Variants in ANGPT1 observed in about 807,000 individuals in gnomAD.
The protein encoded by ANGPT1 is angiopoietin-1.
ANGPT1 carries 17 observed loss-of-function variants against 62.2 expected under a neutral mutation model. That is an observed-to-expected ratio of 0.27 (90% CI 0.19 to 0.41). ANGPT1 has a LOEUF of 0.41. Among genes scored for constraint, ANGPT1 ranks in the 10% least tolerant of loss-of-function variants. The probability of loss-of-function intolerance (pLI) is 1.00; values close to 1 mark genes in which losing one functional copy is unlikely to be tolerated. For synonymous variants in ANGPT1, 199 were observed against 198.9 expected (o/e 1.00, Z 0.00); for missense variants, 478 against 594.9 (o/e 0.80, Z 2.04).
intron 1 of ANGPT1, among the ~76,000 whole-genome samples, chr8:107,487,171 G>A (rs930164246): frequency 5.9e-5 from 9 of 151,974 alleles, no homozygotes; most frequent in East Asian, 3.9e-4. Context: ...CTTCCCTGTC[G>A]TCCATCCTCT....
chr8:107,387,810 G>T (rs1381402320), intron 1 of ANGPT1, among the ~76,000 whole-genome samples: 1 of 151,732 alleles, frequency 6.6e-6, no homozygotes, highest in African/African-American at 2.4e-5. Context: ...ATTAAATTTT[G>T]TATTATAGGA....
At chr8:107,354,038 T>C (rs968684259) in intron 1 of ANGPT1, among the ~76,000 whole-genome samples, 1 of 152,240 alleles carries the variant, frequency 6.6e-6, no homozygotes. Context: ...TCTCCTGCCA[T>C]TGCTTTTTTT....
chr8:107,267,822 A>G (rs1813649600), intron 7 of ANGPT1, among the ~76,000 whole-genome samples: 1 of 151,660 alleles, frequency 6.6e-6, no homozygotes, highest in Non-Finnish European at 1.5e-5. Context: ...TATTTTCTGC[A>G]CGTACACATA....
intron 1 of ANGPT1, among the ~76,000 whole-genome samples, chr8:107,406,936 C>T (rs1817161519): frequency 6.7e-6 from 1 of 148,358 alleles, no homozygotes; most frequent in Non-Finnish European, 1.5e-5. Context: ...TTAGGAAATT[C>T]CTTAAGTCAG....
At chr8:107,376,459 A>AG (rs1816532405) in intron 1 of ANGPT1, among the ~76,000 whole-genome samples, 1 of 152,204 alleles carries the variant, frequency 6.6e-6, no homozygotes, top group Non-Finnish European at 1.5e-5. Context: ...TTCAGGGAGG[A>AG]GGAAGAAAGG....
At chr8:107,374,997 T>C (rs893526786) in intron 1 of ANGPT1, among the ~76,000 whole-genome samples, 6 of 152,126 alleles carry the variant, frequency 3.9e-5, no homozygotes, top group Admixed American at 2.6e-4. Context: ...CTGTCTCTAC[T>C]AAAAATACAA....
intron 1 of ANGPT1, among the ~76,000 whole-genome samples, chr8:107,449,628 A>G (rs999940760): frequency 6.6e-6 from 1 of 152,052 alleles, no homozygotes; most frequent in Non-Finnish European, 1.5e-5. Flanking sequence ...TTACCACTTC[A>G]TCAAACTTTG....
chr8:107,415,191 G>T (rs544946193), intron 1 of ANGPT1, among the ~76,000 whole-genome samples: 2 of 152,212 alleles, frequency 1.3e-5, no homozygotes, highest in Non-Finnish European at 2.9e-5. Context: ...ATGATTATAT[G>T]GTAAAGTATT....
chr8:107,456,929 T>C (rs544764750), intron 1 of ANGPT1, among the ~76,000 whole-genome samples: 185 of 152,234 alleles, frequency 1.2e-3, no homozygotes, highest in African/African-American at 4.3e-3. Context: ...ACACTCTTCC[T>C]GCTATCTTTC....
intron 1 of ANGPT1, among the ~76,000 whole-genome samples, chr8:107,479,248 G>A (rs1400711119): frequency 2.0e-5 from 3 of 152,038 alleles, no homozygotes; most frequent in African/African-American, 7.2e-5. Flanking sequence ...TGGCTGCAAT[G>A]AGCATGTTCA....
At chr8:107,367,664 C>T (rs1292757029) in intron 1 of ANGPT1, among the ~76,000 whole-genome samples, 3 of 152,144 alleles carry the variant, frequency 2.0e-5, no homozygotes, top group African/African-American at 7.2e-5. Context: ...GAAACCCTGT[C>T]AATACTTTGT....
At chr8:107,302,315 T>G (rs1814611812) in intron 5 of ANGPT1, among the ~76,000 whole-genome samples, 1 of 151,848 alleles carries the variant, frequency 6.6e-6, no homozygotes, top group Non-Finnish European at 1.5e-5. Context: ...TGTTTTATCC[T>G]GTAAGGGCAT....
chr8:107,271,756 C>T (rs373030808), intron 7 of ANGPT1, among the ~76,000 whole-genome samples: 3 of 151,838 alleles, frequency 2.0e-5, no homozygotes, highest in East Asian at 3.9e-4. Context: ...GAATAAATAT[C>T]CTTCAATTAA....
At chr8:107,353,810 T>A (rs1479032891) in intron 1 of ANGPT1, among the ~76,000 whole-genome samples, 1 of 152,144 alleles carries the variant, frequency 6.6e-6, no homozygotes, top group African/African-American at 2.4e-5. Context: ...AACACGTGAA[T>A]GAGTCATTTC....
intron 1 of ANGPT1, among the ~76,000 whole-genome samples, chr8:107,377,243 T>A (rs746716723): frequency 2.0e-5 from 3 of 152,208 alleles, no homozygotes; most frequent in Non-Finnish European, 2.9e-5. Flanking sequence ...GAAATATAGT[T>A]TTGCTTTTCC....
At chr8:107,345,257 G>A (rs1441780457) in intron 2 of ANGPT1, among the ~76,000 whole-genome samples, 1 of 152,144 alleles carries the variant, frequency 6.6e-6, no homozygotes, top group Non-Finnish European at 1.5e-5. Context: ...AGTTTTGGCT[G>A]CTTCGTATAA....
chr8:107,324,786 G>A (rs1449684276), intron 3 of ANGPT1, among the ~76,000 whole-genome samples: 1 of 152,130 alleles, frequency 6.6e-6, no homozygotes, highest in Non-Finnish European at 1.5e-5. Flanking sequence ...ATTCACATAA[G>A]AAAGTTTCTC....
intron 3 of ANGPT1, among the ~76,000 whole-genome samples, chr8:107,333,920 G>GAGAAAGAAAGAAAGAAAGAA (rs139390488): frequency 3.3e-4 from 45 of 138,168 alleles, no homozygotes; most frequent in African/African-American, 1.1e-3. Context: ...AAGAAATAAA[G>GAGAAAGAAAGAAAGAAAGAA]AGAAAGAAAG....
intron 1 of ANGPT1, among the ~76,000 whole-genome samples, chr8:107,376,559 C>CTGTT (rs759011030): frequency 6.6e-6 from 1 of 151,972 alleles, no homozygotes; most frequent in Non-Finnish European, 1.5e-5. Flanking sequence ...TGTGGGTTTT[C>CTGTT]TGTTTGTTTG....
Sources: allele counts gnomAD v4.1 joint callset (sites outside exome capture counted in the v4.1 genomes callset), GRCh38; gene constraint gnomAD v4.1.1; transcripts MANE v1.5; gene names NCBI Gene and HGNC (gene_info 2026-07-23, HGNC 2026-07-21).